Variants in B3GLCT observed in about 807,000 individuals in gnomAD.
B3GLCT encodes the protein beta 3-glucosyltransferase.
B3GLCT carries 65 observed loss-of-function variants against 63.4 expected under a neutral mutation model. The observed-to-expected ratio is 1.03, with a 90% confidence interval of 0.84 to 1.26. The LOEUF (loss-of-function observed/expected upper bound fraction) is 1.26. B3GLCT is among the 50% of genes most tolerant of loss of function. B3GLCT has a pLI of 0.00. For synonymous variants in B3GLCT, 233 were observed against 219.2 expected, an observed-to-expected ratio of 1.06 and a Z score of -0.55; for missense variants, 577 against 604.8, an observed-to-expected ratio of 0.95 and a Z score of 0.48.
chr13:31,316,812 CA>C (rs1875058822), intron 12 of B3GLCT, among the ~76,000 whole-genome samples: 1 of 152,080 alleles, frequency 6.6e-6, no homozygotes, highest in Non-Finnish European at 1.5e-5. Flanking sequence ...TGTTTTCATC[CA>C]AACAGCAGCT....
intron 7 of B3GLCT, among the ~76,000 whole-genome samples, chr13:31,267,813 AGT>A (rs1872400834): frequency 6.6e-6 from 1 of 151,522 alleles, no homozygotes; most frequent in Non-Finnish European, 1.5e-5. Context: ...GAAACTTACT[AGT>A]ATTTTTCCTT....
chr13:31,323,349 G>A (rs1230887157), intron 13 of B3GLCT, among the ~76,000 whole-genome samples: 1 of 152,176 alleles, frequency 6.6e-6, no homozygotes, highest in Non-Finnish European at 1.5e-5. Flanking sequence ...ATGTGGCAGT[G>A]GGACTATATG....
intron 4 of B3GLCT, among the ~76,000 whole-genome samples, chr13:31,230,227 G>C (rs189727525): frequency 1.3e-5 from 2 of 152,268 alleles, no homozygotes; most frequent in East Asian, 3.9e-4. Flanking sequence ...AATAATACTG[G>C]AGGTTTGGAG....
chr13:31,280,207 A>G (rs924849477), intron 10 of B3GLCT, among the ~76,000 whole-genome samples: 2 of 152,238 alleles, frequency 1.3e-5, no homozygotes, highest in Non-Finnish European at 2.9e-5. Flanking sequence ...TGGGGAAGTG[A>G]TAAGTGTCCA....
At chr13:31,219,528 C>T (rs559640325) in intron 2 of B3GLCT, among the ~76,000 whole-genome samples, 12 of 152,276 alleles carry the variant, frequency 7.9e-5, no homozygotes, top group African/African-American at 2.9e-4. Flanking sequence ...CTCTGAATGA[C>T]AGGCATAAGG....
chr13:31,213,449 G>T (rs1249660933), intron 1 of B3GLCT, among the ~76,000 whole-genome samples: 1 of 152,114 alleles, frequency 6.6e-6, no homozygotes, highest in African/African-American at 2.4e-5. Flanking sequence ...AATTAGCTGG[G>T]CATGGTGGCA....
At position 31,253,612 on chromosome 13, in the gene B3GLCT, A is replaced by AC. The variant is rs1345055836; in HGVS notation, c.459+5646_459+5647insC. On this transcript the variant is annotated intron_variant, in intron 6 of 14. Coordinates refer to ENST00000343307, the MANE Select transcript of B3GLCT (RefSeq NM_194318.4). ...CTCCATCTCAAAAAAAAAAAAAAAA[A>AC]AAAAAAAAACTAGAGAAGCAAGAGC... Among the ~76,000 whole-genome samples the AC allele has an allele frequency of 1.1e-4, 16 of 147,412 alleles. 1 individual carries two copies. The East Asian group carries it at 3.2e-3, about 29-fold the overall frequency.
rs867073210 is a variant in B3GLCT, at chr13:31,276,629, T to C, written c.781-73T>C. The C allele has an allele frequency of 5.5e-6, 5 of 917,408 alleles. No individual in the cohort carries two copies. In the Middle Eastern group the frequency reaches 8.5e-4, roughly 155 times the overall value. The allele number at this position is 917,408 out of a possible 1,614,324, so 56.8% of individuals were successfully genotyped here. On this transcript the variant is annotated intron_variant, in intron 9 of 14. Coordinates refer to ENST00000343307, the MANE Select transcript of B3GLCT (RefSeq NM_194318.4). ...ATTGGTTAATTTGAACTCTAGAGCGTGTGAGATCTAGTGTGGGTGTGAAGT... is the reference window on the plus strand; with the variant it reads ...ATTGGTTAATTTGAACTCTAGAGCGCGTGAGATCTAGTGTGGGTGTGAAGT...
rs768090295 is a variant in B3GLCT, at chr13:31,329,686, G to A, written c.*18G>A. The stretch of plus-strand genomic sequence containing the variant: ...AGTTATAAATCAGGGTGACCTGTGC[G>A]CCTAGCCTGCGCAGGGAATGAACTG... On this transcript the variant is annotated 3_prime_UTR_variant, in exon 15 of 15. Coordinates refer to ENST00000343307, the MANE Select transcript of B3GLCT (RefSeq NM_194318.4). 7.4e-6 allele frequency: 12 copies of A among 1,613,484 alleles called. 1 individual carries two copies. The highest frequency in any genetic ancestry group is 6.7e-5 in the Admixed American group (4 of 59,992).
At chr13:31,250,839 C>T (rs1044085238) in intron 6 of B3GLCT, among the ~76,000 whole-genome samples, 3 of 152,238 alleles carry the variant, frequency 2.0e-5, no homozygotes, top group African/African-American at 7.2e-5. Flanking sequence ...CAGCGGATCT[C>T]TCAGCACAGT....
chr13:31,294,790 C>T lies in B3GLCT; in HGVS notation c.1064+7971C>T, dbSNP rs1000812119. 5.3e-5 allele frequency among the ~76,000 whole-genome samples: 8 copies of T among 151,946 alleles called. No individual in the cohort carries two copies. In the East Asian group the frequency reaches 1.2e-3, roughly 22 times the overall value. On this transcript the variant is annotated intron_variant, in intron 12 of 14. Transcript: ENST00000343307. ...ACTCGGAGGAGTTTGTTATTACCCACCTTCTGAAGTCTACTTCTGTCAGTT... is the reference window on the plus strand; with the variant it reads ...ACTCGGAGGAGTTTGTTATTACCCATCTTCTGAAGTCTACTTCTGTCAGTT...
At chr13:31,217,863 T>C (rs371304514) in intron 2 of B3GLCT, among the ~76,000 whole-genome samples, 2 of 152,236 alleles carry the variant, frequency 1.3e-5, no homozygotes, top group South Asian at 2.1e-4. Context: ...TCAGGTAATA[T>C]GATGCCTCCA....
At chr13:31,297,405 A>C (rs1345813019) in intron 12 of B3GLCT, among the ~76,000 whole-genome samples, 1 of 124,186 alleles carries the variant, frequency 8.1e-6, no homozygotes, top group African/African-American at 3.2e-5. Context: ...GATAGTCGCT[A>C]TTCTAGTGGG....
chr13:31,318,047 T>C (rs982248648), intron 13 of B3GLCT, among the ~76,000 whole-genome samples: 3 of 152,150 alleles, frequency 2.0e-5, no homozygotes, highest in Non-Finnish European at 2.9e-5. Flanking sequence ...ATGTAATGCT[T>C]AATAAATCGC....
Position 31,200,097 on chromosome 13 carries a change from G to A in B3GLCT, c.13G>A (p.Ala5Thr). MRPP[A>T]CWWLLAPPAL... is the part of the protein sequence containing the mutation. The stretch of plus-strand genomic sequence containing the variant: ...CTCCGCCGCCAGGATGCGGCCGCCC[G>A]CCTGCTGGTGGCTGCTCGCGCCGCC... Residue 5 changes from alanine to threonine, a missense_variant, in exon 1 of 15, where the codon GCC becomes ACC. Coordinates refer to ENST00000343307, the MANE Select transcript of B3GLCT (RefSeq NM_194318.4). The A allele has an allele frequency of 2.2e-6, 3 of 1,374,418 alleles. No homozygotes were observed. Among genetic ancestry groups the A allele is most frequent in the Admixed American group, 2.6e-5 (1 of 38,754 alleles). 85.1% of individuals were successfully genotyped at this position (1,374,418 alleles called of 1,614,324 possible).
At chr13:31,290,491 G>A (rs1379276612) in intron 12 of B3GLCT, among the ~76,000 whole-genome samples, 6 of 152,196 alleles carry the variant, frequency 3.9e-5, no homozygotes, top group Non-Finnish European at 8.8e-5. Context: ...CAGTGTAAAA[G>A]TGTTCCTATT....
At chr13:31,246,597 G>A (rs1294999510) in intron 4 of B3GLCT, among the ~76,000 whole-genome samples, 1 of 152,154 alleles carries the variant, frequency 6.6e-6, no homozygotes, top group Admixed American at 6.5e-5. Flanking sequence ...TAGCCAAAGG[G>A]TTTTCATTTT....
At chr13:31,313,493 C>T (rs1464241940) in intron 12 of B3GLCT, among the ~76,000 whole-genome samples, 1 of 152,158 alleles carries the variant, frequency 6.6e-6, no homozygotes, top group East Asian at 1.9e-4. Flanking sequence ...TGGCATTTTG[C>T]CCCTGCCCTA....
At chr13:31,309,877 CTG>C (rs1874615618) in intron 12 of B3GLCT, among the ~76,000 whole-genome samples, 1 of 152,294 alleles carries the variant, frequency 6.6e-6, no homozygotes, top group East Asian at 1.9e-4. Flanking sequence ...CTTGGCCTCT[CTG>C]TGTAGTATTT....
Sources: allele counts gnomAD v4.1 joint callset (sites outside exome capture counted in the v4.1 genomes callset), GRCh38; gene constraint gnomAD v4.1.1; transcripts MANE v1.5; gene names NCBI Gene and HGNC (gene_info 2026-07-23, HGNC 2026-07-21).